FBXO34: variants seen among roughly 807,000 people sequenced by gnomAD.
FBXO34 encodes the protein F-box protein 34, also known as F-box only protein 34.
Under a neutral mutation model 24.5 loss-of-function variants are expected in FBXO34, and 12 were observed. That is an observed-to-expected ratio of 0.49 (90% CI 0.31 to 0.79). The LOEUF (loss-of-function observed/expected upper bound fraction) is 0.79. Ranked by LOEUF, FBXO34 falls within the 30% of genes least tolerant of loss-of-function variation. FBXO34 has a pLI of 0.04. For missense variants in FBXO34, 823 were observed against 857.7 expected (o/e 0.96, Z 0.51); for synonymous variants, 320 against 311.9 (o/e 1.03, Z -0.27).
chr14:55,272,617 A>ATT (rs57429957), intron 1 of FBXO34, among the ~76,000 whole-genome samples: 1,587 of 143,308 alleles, frequency 0.011, 14 homozygotes, highest in Middle Eastern at 0.029. Flanking sequence ...ATCTTACATG[A>ATT]TTTTTTTTTT....
chr14:55,322,753 A>T (rs976259030), intron 1 of FBXO34, among the ~76,000 whole-genome samples: 1 of 152,118 alleles, frequency 6.6e-6, no homozygotes, highest in Non-Finnish European at 1.5e-5. Flanking sequence ...TTATATTTAG[A>T]TATGTCAGTA....
At chr14:55,350,338 A>T in intron 1 of FBXO34, 43 bp from the exon 2 acceptor site, 1 of 1,419,052 alleles carries the variant, frequency 7.0e-7, no homozygotes, top group Non-Finnish European at 9.3e-7. Context: ...TTTTCTAAAA[A>T]CAAAATTGGT....
intron 1 of FBXO34, among the ~76,000 whole-genome samples, chr14:55,279,568 A>G (rs1443409063): frequency 1.3e-5 from 2 of 152,252 alleles, no homozygotes; most frequent in African/African-American, 2.4e-5. Context: ...TGAATTCTAT[A>G]TATAAACCCT....
intron 1 of FBXO34, among the ~76,000 whole-genome samples, chr14:55,305,443 G>T (rs117828378): frequency 0.024 from 3,635 of 151,658 alleles, 55 homozygotes; most frequent in Non-Finnish European, 0.034. Flanking sequence ...CTTAGTCCGG[G>T]TGCGGTGCGT....
At chr14:55,411,899 G>T in the FBXO34 span, 1 of 1,331,778 alleles carries the variant, frequency 7.5e-7, no homozygotes, top group Non-Finnish European at 1.0e-6. Flanking sequence ...GGAGGGGCCT[G>T]GGGAAGGGGG....
downstream of FBXO34, among the ~76,000 whole-genome samples, chr14:55,356,818 G>A (rs145359587): frequency 7.9e-3 from 1,196 of 152,072 alleles, 37 homozygotes; most frequent in Admixed American, 0.052. Context: ...GCATGATCTC[G>A]ACTCATTGCA....
the FBXO34 span, among the ~76,000 whole-genome samples, chr14:55,416,386 G>A: frequency 6.6e-6 from 1 of 152,004 alleles, no homozygotes; most frequent in Non-Finnish European, 1.5e-5. Flanking sequence ...GAGCCCAGGA[G>A]TTTGAGACCA....
intron 1 of FBXO34, among the ~76,000 whole-genome samples, chr14:55,283,944 A>ATGTGTG (rs71131258): frequency 0.021 from 2,997 of 142,626 alleles, 62 homozygotes; most frequent in African/African-American, 0.053. Flanking sequence ...TTCTAAGACT[A>ATGTGTG]TGTGTGTGTG....
Position 55,352,705 on chromosome 14 carries a change from C to T in FBXO34, c.*179C>T. The T allele has an allele frequency of 1.6e-6, 1 of 606,330 alleles. No homozygotes were observed. 37.6% of individuals were successfully genotyped at this position (606,330 alleles called of 1,614,324 possible). ...TTACGAGCTGTACAAAAAAATTGGT[C>T]TTGTTGTTTATAGTGGCATCTCATG... is the stretch of plus-strand genomic sequence containing the variant. On this transcript the variant is annotated 3_prime_UTR_variant, in exon 2 of 2. Coordinates refer to ENST00000313833, the MANE Select transcript of FBXO34 (RefSeq NM_017943.4).
chr14:55,346,887 G>T (rs1884177107), intron 1 of FBXO34, among the ~76,000 whole-genome samples: 1 of 152,176 alleles, frequency 6.6e-6, no homozygotes, highest in Non-Finnish European at 1.5e-5. Context: ...TTGGCATTTT[G>T]TTGGGCAGTT....
chr14:55,397,414 C>A, the FBXO34 span: 2 of 1,613,166 alleles, frequency 1.2e-6, no homozygotes, highest in Non-Finnish European at 1.7e-6. Context: ...TCGGCTTAAC[C>A]TTTCCTTCTT....
At chr14:55,382,226 GAGAGGGTT>G in the FBXO34 span, 1 of 1,603,278 alleles carries the variant, frequency 6.2e-7, no homozygotes, top group Admixed American at 1.7e-5. Context: ...ATTTTCAAGA[GAGAGGGTT>G]TTTAAGGGCA....
the FBXO34 span, chr14:55,390,839 CTAGTT>C: frequency 9.4e-7 from 1 of 1,061,078 alleles, no homozygotes; most frequent in African/African-American, 1.6e-5. Flanking sequence ...CTGTGTCCCT[CTAGTT>C]TATTAATCCC....
downstream of FBXO34, chr14:55,366,641 T>TA (rs2140109707): frequency 1.1e-5 from 1 of 93,332 alleles, no homozygotes; most frequent in South Asian, 3.0e-4. Context: ...GCAAAACTTT[T>TA]CTTATATTCC....
At chr14:55,282,138 A>G (rs989868130) in intron 1 of FBXO34, among the ~76,000 whole-genome samples, 1 of 151,684 alleles carries the variant, frequency 6.6e-6, no homozygotes, top group East Asian at 1.9e-4. Context: ...CTGGGACTAC[A>G]GGCGCATGCC....
the FBXO34 span, among the ~76,000 whole-genome samples, chr14:55,434,886 C>T: frequency 6.6e-6 from 1 of 152,116 alleles, no homozygotes; most frequent in Non-Finnish European, 1.5e-5. Flanking sequence ...ACCACCTAAG[C>T]CAGTGAACTT....
the FBXO34 span, among the ~76,000 whole-genome samples, chr14:55,393,717 G>A: frequency 2.5e-4 from 38 of 151,598 alleles, no homozygotes; most frequent in Non-Finnish European, 4.7e-4. Context: ...GCTAATTTTT[G>A]GTTTTTGTTC....
At chr14:55,402,926 A>T in the FBXO34 span, among the ~76,000 whole-genome samples, 29 of 16,358 alleles carry the variant, frequency 1.8e-3, no homozygotes, top group Non-Finnish European at 1.7e-3. Context: ...AAAAAAAAAA[A>T]ATATATATAT....
chr14:55,438,493 C>G, the FBXO34 span, among the ~76,000 whole-genome samples: 1 of 152,122 alleles, frequency 6.6e-6, no homozygotes. Context: ...TCACCTGTCC[C>G]AGATGTAAAG....
Sources: gnomAD v4.1 joint callset for allele counts (sites outside exome capture counted in the v4.1 genomes callset) on GRCh38, gnomAD v4.1.1 for gene constraint, MANE v1.5 for transcripts, NCBI Gene and HGNC (gene_info 2026-07-23, HGNC 2026-07-21) for gene names.